VPS13B: variants seen among roughly 807,000 people sequenced by gnomAD.
The protein encoded by VPS13B is vacuolar protein sorting 13 homolog B, also known as intermembrane lipid transfer protein VPS13B.
Under a neutral mutation model 426.4 loss-of-function variants are expected in VPS13B, and 285 were observed. The ratio of observed to expected loss-of-function variants is 0.67; its 90% CI spans 0.61 to 0.74. The LOEUF is 0.74. Ranked by LOEUF, VPS13B falls within the 30% of genes least tolerant of loss-of-function variation. The probability of loss-of-function intolerance (pLI) is 0.00; values close to 1 mark genes in which losing one functional copy is unlikely to be tolerated. For missense variants in VPS13B, 4,537 were observed against 4,782.6 expected (o/e 0.95, Z 1.51); for synonymous variants, 1,676 against 1,676.4 (o/e 1.00, Z 0.01).
chr8:99,495,764 T>G (rs1312506407), intron 25 of VPS13B, among the ~76,000 whole-genome samples: 1 of 152,230 alleles, frequency 6.6e-6, no homozygotes, highest in Non-Finnish European at 1.5e-5. Context: ...GTTGCCCTAC[T>G]TAGGCTGAGA....
At chr8:99,062,804 A>G (rs998938736) in intron 3 of VPS13B, among the ~76,000 whole-genome samples, 4 of 152,182 alleles carry the variant, frequency 2.6e-5, no homozygotes, top group African/African-American at 7.2e-5. Flanking sequence ...ATACATAAGA[A>G]TACATTATTC....
chr8:99,530,133 GT>G (rs1289506196), intron 30 of VPS13B, among the ~76,000 whole-genome samples: 1 of 152,022 alleles, frequency 6.6e-6, no homozygotes, highest in Non-Finnish European at 1.5e-5. Context: ...TTTCTTTGAT[GT>G]TCAACTCTAT....
chr8:99,156,770 T>A (rs1392221665), intron 15 of VPS13B, 27 bp downstream of exon 15: 1 of 1,612,628 alleles, frequency 6.2e-7, no homozygotes, highest in East Asian at 2.2e-5. Flanking sequence ...TTCTTGTTTG[T>A]TAGCATGGGT....
chr8:99,082,009 T>C (rs1484190833), intron 3 of VPS13B, among the ~76,000 whole-genome samples: 1 of 152,190 alleles, frequency 6.6e-6, no homozygotes, highest in Non-Finnish European at 1.5e-5. Context: ...ATGGTATTTC[T>C]AGTTCTAGAT....
intron 34 of VPS13B, among the ~76,000 whole-genome samples, chr8:99,645,986 T>C (rs998136288): frequency 3.3e-5 from 5 of 152,012 alleles, no homozygotes; most frequent in African/African-American, 1.2e-4. Context: ...AATGCTAACT[T>C]TCATGGGGAG....
chr8:99,508,153 A>G (rs1821596788), intron 28 of VPS13B, among the ~76,000 whole-genome samples: 1 of 152,212 alleles, frequency 6.6e-6, no homozygotes, highest in South Asian at 2.1e-4. Flanking sequence ...TAGGACATTC[A>G]TTATATTTTT....
chr8:99,391,718 A>T lies in VPS13B; in HGVS notation c.3082+14A>T. The T allele has an allele frequency of 6.2e-7, 1 of 1,613,632 alleles. No individual in the cohort carries two copies. Among genetic ancestry groups the T allele is most frequent in the African/African-American group, 1.3e-5 (1 of 75,054 alleles). On this transcript the variant is annotated intron_variant, in intron 21 of 61. Coordinates refer to ENST00000357162, the MANE Select transcript of VPS13B (RefSeq NM_152564.5). Reference sequence around the variant, plus strand: ...AAACGGTAACAGGTATGTGTCAAGTACTGTAAAGGGACTATGATTGTACTC... The same window carrying T: ...AAACGGTAACAGGTATGTGTCAAGTTCTGTAAAGGGACTATGATTGTACTC...
intron 33 of VPS13B, among the ~76,000 whole-genome samples, chr8:99,610,604 G>A (rs1156879185): frequency 1.3e-5 from 2 of 151,984 alleles, no homozygotes; most frequent in South Asian, 2.1e-4. Flanking sequence ...GGGGGCTAGG[G>A]GAGGGATAGC....
intron 23 of VPS13B, among the ~76,000 whole-genome samples, chr8:99,465,482 G>T (rs1368460049): frequency 6.6e-6 from 1 of 150,834 alleles, no homozygotes; most frequent in Non-Finnish European, 1.5e-5. Context: ...AGAAGACGCA[G>T]AAATATAACT....
At chr8:99,866,775 C>CGACA (rs890419871) in intron 58 of VPS13B, among the ~76,000 whole-genome samples, 1 of 152,244 alleles carries the variant, frequency 6.6e-6, no homozygotes. Flanking sequence ...TCCTGCCTGT[C>CGACA]CCTCAGTGTG....
intron 17 of VPS13B, among the ~76,000 whole-genome samples, chr8:99,202,768 GCCTGTAATC>G (rs1814412415): frequency 6.6e-6 from 1 of 152,062 alleles, no homozygotes; most frequent in African/African-American, 2.4e-5. Context: ...GGTGGCTCAT[GCCTGTAATC>G]CCAGCACTTT....
At chr8:99,044,612 G>A (rs193217643) in intron 3 of VPS13B, among the ~76,000 whole-genome samples, 4 of 151,922 alleles carry the variant, frequency 2.6e-5, no homozygotes, top group Admixed American at 6.6e-5. Flanking sequence ...AGCAGTATAC[G>A]CTGTACCGAA....
intron 21 of VPS13B, among the ~76,000 whole-genome samples, chr8:99,416,853 G>C (rs1029640578): frequency 6.6e-6 from 1 of 152,156 alleles, no homozygotes; most frequent in South Asian, 2.1e-4. Context: ...GACCTGTGCT[G>C]TTCCTATTCG....
In VPS13B at chr8:99,818,451, G is replaced by T; in HGVS notation, c.8362G>T (p.Val2788Leu). ...KAPEYSIVIQVPSSNSSIIYV... is the reference protein window; with the variant it reads ...KAPEYSIVIQLPSSNSSIIYV... ...GGACCCTTTGCTATTTCATGTGCAG[G>T]TGCCATCTTCAAACAGTTCCATTAT... Residue 2788 changes from valine to leucine, a missense_variant and splice_region_variant, in exon 46 of 62, where the codon GTG becomes TTG. This residue lies in a region of VPS13B where 4,311 missense variants were observed against 4,474.3 expected (regional missense o/e 0.96). Transcript: ENST00000357162. The T allele has an allele frequency of 6.2e-7, 1 of 1,613,890 alleles. No individual in the cohort carries two copies. The highest frequency in any genetic ancestry group is 8.5e-7 in the Non-Finnish European group (1 of 1,179,892).
chr8:99,601,542 A>G lies in VPS13B; in HGVS notation c.5220+23909A>G, dbSNP rs948141473. 2.4e-4 allele frequency among the ~76,000 whole-genome samples: 36 copies of G among 152,180 alleles called. 1 individual carries two copies. The highest frequency in any genetic ancestry group is 2.4e-4 in the Non-Finnish European group (16 of 68,028). On this transcript the variant is annotated intron_variant, in intron 33 of 61. Transcript: ENST00000357162. ...TAATGGGATTGCTGGGTCAAATGGT[A>G]TTTCTGGTTCTAGATCCTTGAAAAA...
At chr8:99,169,742 A>G (rs1054214770) in intron 15 of VPS13B, among the ~76,000 whole-genome samples, 1 of 152,034 alleles carries the variant, frequency 6.6e-6, no homozygotes, top group Non-Finnish European at 1.5e-5. Flanking sequence ...TTTAGCAGAT[A>G]ATAAAACACT....
intron 30 of VPS13B, among the ~76,000 whole-genome samples, chr8:99,554,513 C>A (rs1411811485): frequency 6.6e-6 from 1 of 152,034 alleles, no homozygotes; most frequent in East Asian, 1.9e-4. Flanking sequence ...CAGTACAAAT[C>A]AGTGAATTGA....
chr8:99,723,972 C>T (rs1171821513), intron 39 of VPS13B, among the ~76,000 whole-genome samples: 1 of 152,164 alleles, frequency 6.6e-6, no homozygotes, highest in Non-Finnish European at 1.5e-5. Context: ...GACTTGATAC[C>T]AAGCTGCTGA....
At chr8:99,154,100 C>T (rs11995021) in intron 14 of VPS13B, among the ~76,000 whole-genome samples, 228 of 149,386 alleles carry the variant, frequency 1.5e-3, no homozygotes, top group African/African-American at 5.1e-3. Flanking sequence ...TTTTTTTGGG[C>T]GACTTTATCT....
Sources: gnomAD v4.1 joint callset for allele counts (sites outside exome capture counted in the v4.1 genomes callset) on GRCh38, gnomAD v4.1.1 for gene constraint, gnomAD v4.1.1 regional missense constraint, MANE v1.5 for transcripts, NCBI Gene and HGNC (gene_info 2026-07-23, HGNC 2026-07-21) for gene names.